MSI2: variants seen among roughly 807,000 people sequenced by gnomAD.
The protein encoded by MSI2 is RNA-binding protein Musashi homolog 2.
In MSI2, 17 loss-of-function variants were observed where a neutral mutation model predicts 45.6. The observed-to-expected ratio is 0.37, with a 90% CI of 0.26 to 0.56. The LOEUF (loss-of-function observed/expected upper bound fraction) is 0.56. Ranked by LOEUF, MSI2 falls within the 20% of genes least tolerant of loss-of-function variation. The pLI, the probability that MSI2 is intolerant of heterozygous loss-of-function variation, is 0.77. For missense variants in MSI2, 293 were observed against 444.2 expected, an observed-to-expected ratio of 0.66 and a Z score of 3.06; for synonymous variants, 156 against 158.2, an observed-to-expected ratio of 0.99 and a Z score of 0.11.
chr17:57,495,532 C>CAA (rs56325646), intron 6 of MSI2, among the ~76,000 whole-genome samples: 11 of 72,608 alleles, frequency 1.5e-4, no homozygotes, highest in South Asian at 6.4e-4. Flanking sequence ...GACTCTGTCT[C>CAA]AAAAAAAAAA....
At chr17:57,530,089 T>C (rs1393187164) in intron 7 of MSI2, among the ~76,000 whole-genome samples, 1 of 152,190 alleles carries the variant, frequency 6.6e-6, no homozygotes, top group African/African-American at 2.4e-5. Flanking sequence ...TCAATTTGTA[T>C]TGAAGGAGGT....
At chr17:57,695,559 A>T in the MSI2 span, among the ~76,000 whole-genome samples, 1 of 152,028 alleles carries the variant, frequency 6.6e-6, no homozygotes, top group Non-Finnish European at 1.5e-5. Context: ...CCTGCCCTTG[A>T]CTAGTATAGG....
At chr17:57,516,137 G>A (rs2086464937) in intron 6 of MSI2, among the ~76,000 whole-genome samples, 1 of 152,092 alleles carries the variant, frequency 6.6e-6, no homozygotes, top group Admixed American at 6.6e-5. Context: ...ACTACAATCA[G>A]GATATATAAT....
At chr17:57,510,056 C>G (rs187542263) in intron 6 of MSI2, among the ~76,000 whole-genome samples, 2 of 152,006 alleles carry the variant, frequency 1.3e-5, no homozygotes, top group Non-Finnish European at 2.9e-5. Context: ...GGGCCTGCCA[C>G]GTATTTGTTG....
chr17:57,317,874 C>T (rs1487825894), intron 5 of MSI2, among the ~76,000 whole-genome samples: 2 of 152,104 alleles, frequency 1.3e-5, no homozygotes. Flanking sequence ...GTGGGCCAGG[C>T]ACAGTGACTC....
chr17:57,649,075 C>T (rs942445896), intron 10 of MSI2, among the ~76,000 whole-genome samples: 9 of 152,194 alleles, frequency 5.9e-5, no homozygotes, highest in Non-Finnish European at 1.3e-4. Context: ...CTCAGGCCAC[C>T]AGGATGTTTC....
intron 13 of MSI2, among the ~76,000 whole-genome samples, chr17:57,679,062 G>A (rs892720510): frequency 6.6e-6 from 1 of 152,152 alleles, no homozygotes; most frequent in Non-Finnish European, 1.5e-5. Flanking sequence ...TATATGATAT[G>A]ATCTTTTAGT....
chr17:57,662,742 A>G (rs1370883701), intron 11 of MSI2, among the ~76,000 whole-genome samples: 3 of 152,172 alleles, frequency 2.0e-5, no homozygotes, highest in Non-Finnish European at 4.4e-5. Context: ...GATAACCCCA[A>G]ATCATTTACG....
intron 6 of MSI2, among the ~76,000 whole-genome samples, chr17:57,488,697 G>A (rs1220821773): frequency 6.6e-6 from 1 of 152,086 alleles, no homozygotes; most frequent in Non-Finnish European, 1.5e-5. Context: ...GGTGGTGTGT[G>A]CCTGTAATCC....
intron 8 of MSI2, chr17:57,601,804 C>A (rs1053023391): frequency 1.3e-5 from 2 of 152,198 alleles, no homozygotes; most frequent in Non-Finnish European, 2.9e-5. Context: ...CTGTGCTTTA[C>A]GTGCGTGCTG....
chr17:57,490,426 A>T (rs2085847393), intron 6 of MSI2, among the ~76,000 whole-genome samples: 1 of 152,222 alleles, frequency 6.6e-6, no homozygotes. Context: ...TCCTCTGGCA[A>T]GAGTTCTGCA....
At chr17:57,431,279 A>C (rs1212859939) in intron 6 of MSI2, among the ~76,000 whole-genome samples, 1 of 152,206 alleles carries the variant, frequency 6.6e-6, no homozygotes, top group Non-Finnish European at 1.5e-5. Flanking sequence ...GAGCACAAAA[A>C]TCAGAGCCCT....
intron 5 of MSI2, among the ~76,000 whole-genome samples, chr17:57,387,185 T>G (rs1403552212): frequency 2.0e-5 from 3 of 152,202 alleles, no homozygotes; most frequent in African/African-American, 7.2e-5. Flanking sequence ...TTCTTTTTCA[T>G]TGTTTGGTTG....
chr17:57,344,345 T>C (rs188939829), intron 5 of MSI2, among the ~76,000 whole-genome samples: 2 of 152,246 alleles, frequency 1.3e-5, no homozygotes, highest in Admixed American at 6.5e-5. Flanking sequence ...GGTGCTCAAA[T>C]TGGCCCACAC....
chr17:57,631,876 G>A (rs376156481), intron 10 of MSI2: 6 of 1,607,308 alleles, frequency 3.7e-6, no homozygotes, highest in Non-Finnish European at 4.3e-6. Flanking sequence ...ACCATTTCTA[G>A]AGAGAGAGGA....
intron 5 of MSI2, among the ~76,000 whole-genome samples, chr17:57,357,727 C>T (rs1441631262): frequency 1.3e-5 from 2 of 152,090 alleles, no homozygotes; most frequent in Non-Finnish European, 2.9e-5. Context: ...GTGTATGTGT[C>T]GTTCTTGATC....
At chr17:57,606,396 T>G (rs1906579751) in intron 8 of MSI2, 1 of 152,270 alleles carries the variant, frequency 6.6e-6, no homozygotes, top group South Asian at 2.1e-4. Context: ...GCAAAGAAGT[T>G]AGTCAGCTGG....
intron 4 of MSI2, among the ~76,000 whole-genome samples, chr17:57,259,815 C>T (rs915327708): frequency 6.6e-6 from 1 of 152,178 alleles, no homozygotes; most frequent in African/African-American, 2.4e-5. Flanking sequence ...CCTCTTGCTA[C>T]CTGGGTGGGA....
chr17:57,626,696 G>A (rs1908840414), intron 9 of MSI2: 1 of 157,066 alleles, frequency 6.4e-6, no homozygotes, highest in Non-Finnish European at 1.4e-5. Flanking sequence ...CCTCCGTGGA[G>A]TGTCAAAACT....
Sources: allele counts gnomAD v4.1 joint callset (sites outside exome capture counted in the v4.1 genomes callset), GRCh38; gene constraint gnomAD v4.1.1; transcripts MANE v1.5; gene names NCBI Gene and HGNC (gene_info 2026-07-23, HGNC 2026-07-21).